REEP3: variants seen among roughly 807,000 people sequenced by gnomAD.
The protein encoded by REEP3 is receptor accessory protein 3.
In REEP3, 20 loss-of-function variants were observed where a neutral mutation model predicts 41.3. The observed-to-expected ratio is 0.48, with a 90% CI of 0.34 to 0.70. The LOEUF (loss-of-function observed/expected upper bound fraction) is 0.70. Among genes scored for constraint, REEP3 ranks in the 30% least tolerant of loss-of-function variants. The probability of loss-of-function intolerance (pLI) is 0.01; values close to 1 mark genes in which losing one functional copy is unlikely to be tolerated. For missense variants in REEP3, 271 were observed against 308.8 expected (o/e 0.88, Z 0.92); for synonymous variants, 104 against 101.8 (o/e 1.02, Z -0.13).
chr10:63,547,414 T>G (rs567362055), intron 1 of REEP3, among the ~76,000 whole-genome samples: 2 of 152,042 alleles, frequency 1.3e-5, no homozygotes, highest in Admixed American at 6.5e-5. Flanking sequence ...AAAAAATGGC[T>G]CATATTCAAA....
chr10:63,540,557 G>A (rs917918270), intron 1 of REEP3, among the ~76,000 whole-genome samples: 2 of 152,146 alleles, frequency 1.3e-5, no homozygotes. Flanking sequence ...AAGGAAGCTT[G>A]AGGGCAAATT....
Position 63,566,324 on chromosome 10 carries a change from T to C in REEP3, c.33-14T>C. On this transcript the variant is annotated splice_polypyrimidine_tract_variant and intron_variant, in intron 1 of 7. Transcript: ENST00000373758. ...GTTGTGTTTGAACAGTATTCTCATT[T>C]TTTTTACTTTTAGGCTGGTGTTTGG... 2 of 1,504,538 alleles carry C rather than the reference T, an allele frequency of 1.3e-6. No individual in the cohort carries two copies. The highest frequency in any genetic ancestry group is 1.8e-6 in the Non-Finnish European group (2 of 1,105,604). 93.2% of individuals were successfully genotyped at this position (1,504,538 alleles called of 1,614,324 possible).
intron 2 of REEP3, among the ~76,000 whole-genome samples, chr10:63,566,625 T>C (rs775800208): frequency 2.0e-5 from 3 of 152,208 alleles, no homozygotes; most frequent in Admixed American, 1.3e-4. Context: ...AGATGAGTAA[T>C]TGAATAGGTC....
In REEP3 at chr10:63,535,246, T is replaced by G. The variant is rs561630915; in HGVS notation, c.32+13669T>G. 4.6e-5 allele frequency among the ~76,000 whole-genome samples: 7 copies of G among 151,886 alleles called. No homozygotes were observed. The East Asian group carries it at 1.4e-3, about 29-fold the overall frequency. The stretch of plus-strand genomic sequence containing the variant: ...GATGGTAGAAATGGGTTCAAATATA[T>G]CAATAATAACAATAAATATCAACAA... On this transcript the variant is annotated intron_variant, in intron 1 of 7. Transcript: ENST00000373758.
At chr10:63,585,185 G>C (rs1955993126) in intron 2 of REEP3, among the ~76,000 whole-genome samples, 2 of 152,146 alleles carry the variant, frequency 1.3e-5, no homozygotes, top group East Asian at 1.9e-4. Flanking sequence ...GCCATCCTCT[G>C]TGCTTGCTTT....
chr10:63,560,716 T>C (rs1276527575), intron 1 of REEP3, among the ~76,000 whole-genome samples: 1 of 152,226 alleles, frequency 6.6e-6, no homozygotes, highest in Non-Finnish European at 1.5e-5. Context: ...TGAATTTTAC[T>C]TGTAGCAAAT....
chr10:63,595,844 C>G (rs190712610), intron 3 of REEP3, among the ~76,000 whole-genome samples: 1 of 152,358 alleles, frequency 6.6e-6, no homozygotes, highest in East Asian at 1.9e-4. Context: ...TCCCGAAGTG[C>G]TGGGATTGCA....
intron 2 of REEP3, among the ~76,000 whole-genome samples, chr10:63,574,811 A>ATCCTTCCTG (rs930928038): frequency 5.0e-5 from 7 of 139,926 alleles, no homozygotes; most frequent in African/African-American, 1.9e-4. Flanking sequence ...GATAAAATGC[A>ATCCTTCCTG]TCCTTCCTGA....
intron 7 of REEP3, among the ~76,000 whole-genome samples, chr10:63,620,383 A>G (rs1956344862): frequency 6.6e-6 from 1 of 152,230 alleles, no homozygotes; most frequent in South Asian, 2.1e-4. Flanking sequence ...TCCCAGCCCT[A>G]TGCATAAACA....
chr10:63,563,270 C>CA (rs1374253240), intron 1 of REEP3, among the ~76,000 whole-genome samples: 1 of 152,172 alleles, frequency 6.6e-6, no homozygotes, highest in Non-Finnish European at 1.5e-5. Flanking sequence ...TAATAACCTA[C>CA]AAAAATATTG....
Position 63,619,750 on chromosome 10 carries a change from C to T in REEP3, c.661C>T (p.Arg221Ter). 1.9e-6 allele frequency: 3 copies of T among 1,609,544 alleles called. No individual in the cohort carries two copies. The highest frequency in any genetic ancestry group is 1.7e-6 in the Non-Finnish European group (2 of 1,177,980). ...TGAGATGTTAACACACAAAGGGCTT[C>T]GAAGATCGCAAAGCATGAAATCTGT... ...DNEMLTHKGL[R>*]RSQSMKSVKT... Residue 221 changes from arginine (R) to a stop codon, truncating the protein, a stop_gained, in exon 7 of 8, where the codon CGA (arginine) becomes TGA (stop). Transcript: ENST00000373758. LOFTEE classifies it high-confidence loss of function.
Position 63,538,223 on chromosome 10 carries a change from T to C in REEP3, c.32+16646T>C, listed in dbSNP as rs184795553. Among the ~76,000 whole-genome samples the C allele has an allele frequency of 1.4e-4, 22 of 152,338 alleles. No individual in the cohort carries two copies. In the East Asian group the frequency reaches 3.9e-3, roughly 27 times the overall value. ...TTTTGTTAGTTTAGCCTATCAAAAA[T>C]GTCACATTGCTTGAAACTCCCTAAT... On this transcript the variant is annotated intron_variant, in intron 1 of 7. Coordinates refer to ENST00000373758, the MANE Select transcript of REEP3 (RefSeq NM_001001330.3).
chr10:63,579,819 C>T (rs1229463832), intron 2 of REEP3, among the ~76,000 whole-genome samples: 1 of 152,156 alleles, frequency 6.6e-6, no homozygotes, highest in African/African-American at 2.4e-5. Context: ...GGCCTAGCCA[C>T]CCCCACCCTA....
intron 1 of REEP3, among the ~76,000 whole-genome samples, chr10:63,545,180 T>A (rs564300904): frequency 1.3e-5 from 2 of 152,326 alleles, no homozygotes; most frequent in East Asian, 3.9e-4. Flanking sequence ...ATTTAATTTT[T>A]AAAATTTACA....
At chr10:63,589,479 G>A (rs1956037578) in intron 2 of REEP3, among the ~76,000 whole-genome samples, 1 of 152,140 alleles carries the variant, frequency 6.6e-6, no homozygotes, top group Non-Finnish European at 1.5e-5. Context: ...GGAAAAGCAT[G>A]AGGTCACAAT....
Position 63,545,688 on chromosome 10 carries a change from T to TG in REEP3, c.33-20650_33-20649insG, listed in dbSNP as rs1554803795. ...GCGCCTGGCCAACTTCTGTTTTTTT[T>TG]TTTTTTTTTTTTTTTTTGAGATGGA... On this transcript the variant is annotated intron_variant, in intron 1 of 7. Coordinates refer to ENST00000373758, the MANE Select transcript of REEP3 (RefSeq NM_001001330.3). Among the ~76,000 whole-genome samples the TG allele has an allele frequency of 5.1e-4, 71 of 139,660 alleles. 1 individual carries two copies. Among genetic ancestry groups the TG allele is most frequent in the African/African-American group, 1.9e-3 (70 of 37,352 alleles). 91.6% of individuals were successfully genotyped at this position (139,660 alleles called of 152,430 possible).
chr10:63,521,605 C>G (rs1342555888), intron 1 of REEP3, 28 bp downstream of exon 1: 2 of 1,392,426 alleles, frequency 1.4e-6, no homozygotes, highest in Non-Finnish European at 1.9e-6. Flanking sequence ...CGCCCTGCAG[C>G]CGGCGCGAGG....
rs886664480 is a variant in REEP3 at position 63,621,803 on chromosome 10, A to C, written c.*934A>C. ...CTTTTGTGAAATAGAATCAGTGACC[A>C]GTATAGCACTTAGATCCCTTCTAAC... On this transcript the variant is annotated 3_prime_UTR_variant, in exon 8 of 8. Coordinates refer to ENST00000373758, the MANE Select transcript of REEP3 (RefSeq NM_001001330.3). 5.3e-5 allele frequency: 8 copies of C among 152,244 alleles called. No individual in the cohort carries two copies. 9.4% of individuals were successfully genotyped at this position (152,244 alleles called of 1,614,324 possible). A position where few individuals can be genotyped will look rare whatever the true frequency, so the allele number is the denominator to read the frequency against.
chr10:63,612,277 T>G (rs1056866921), intron 6 of REEP3, among the ~76,000 whole-genome samples: 1 of 152,120 alleles, frequency 6.6e-6, no homozygotes, highest in Non-Finnish European at 1.5e-5. Flanking sequence ...CAGTTTCAAG[T>G]GATTCTGTGT....
Sources: allele counts gnomAD v4.1 joint callset (sites outside exome capture counted in the v4.1 genomes callset), GRCh38; gene constraint gnomAD v4.1.1; transcripts MANE v1.5; gene names NCBI Gene and HGNC (gene_info 2026-07-23, HGNC 2026-07-21).